The following ST6GAL2 variants were observed in gnomAD, a reference collection of about 807,000 sequenced individuals.
ST6GAL2 encodes ST6 beta-galactoside alpha-2,6-sialyltransferase 2.
In ST6GAL2, 24 loss-of-function variants were observed where a neutral mutation model predicts 37.5. That is an observed-to-expected ratio of 0.64 (90% CI 0.46 to 0.90). The LOEUF (loss-of-function observed/expected upper bound fraction) is 0.90, where lower values mean the gene tolerates loss of function less well. Ranked by LOEUF, ST6GAL2 falls within the 40% of genes least tolerant of loss-of-function variation. The pLI is 0.00. For missense variants in ST6GAL2, 715 were observed against 712.7 expected (o/e 1.00, Z -0.04); for synonymous variants, 306 against 295.1 (o/e 1.04, Z -0.38).
intron 5 of ST6GAL2, among the ~76,000 whole-genome samples, chr2:106,823,507 C>CTA (rs1553417633): frequency 7.3e-6 from 1 of 137,120 alleles, no homozygotes; most frequent in Non-Finnish European, 1.6e-5. Flanking sequence ...AGAGAGAGAT[C>CTA]GAGAGAGAGA....
intron 5 of ST6GAL2, among the ~76,000 whole-genome samples, chr2:106,816,774 C>T (rs191580428): frequency 1.2e-4 from 18 of 152,222 alleles, no homozygotes; most frequent in African/African-American, 3.6e-4. Flanking sequence ...AAAAACCAGG[C>T]GAGTGATCAC....
intron 5 of ST6GAL2, among the ~76,000 whole-genome samples, chr2:106,817,706 C>CT (rs1675854035): frequency 6.6e-6 from 1 of 152,152 alleles, no homozygotes; most frequent in Non-Finnish European, 1.5e-5. Context: ...GAGTAAAGGG[C>CT]ACTTTGTCTT....
At chr2:106,872,279 T>A (rs1022814156) in intron 1 of ST6GAL2, among the ~76,000 whole-genome samples, 1 of 152,238 alleles carries the variant, frequency 6.6e-6, no homozygotes, top group Non-Finnish European at 1.5e-5. Flanking sequence ...AAGATCAAGT[T>A]TTCTTCTTTG....
chr2:106,863,577 A>T (rs993947385), intron 1 of ST6GAL2, among the ~76,000 whole-genome samples: 108 of 152,318 alleles, frequency 7.1e-4, no homozygotes, highest in African/African-American at 2.5e-3. Flanking sequence ...ACGTGTAGGC[A>T]GTAGCCACTA....
At chr2:106,836,333 A>C (rs6726866) in intron 2 of ST6GAL2, among the ~76,000 whole-genome samples, 10,206 of 152,180 alleles carry the variant, frequency 0.067, 891 homozygotes, top group African/African-American at 0.21. Flanking sequence ...CTATTTAAAG[A>C]ATCCTTCCAA....
At chr2:106,886,813 C>G (rs113649833), upstream of ST6GAL2, among the ~76,000 whole-genome samples, 1 of 151,884 alleles carries the variant, frequency 6.6e-6, no homozygotes, top group Non-Finnish European at 1.5e-5. Flanking sequence ...CGCCGGCGAG[C>G]GCAGGCGGGG....
chr2:106,857,562 C>A (rs980132227), intron 1 of ST6GAL2, among the ~76,000 whole-genome samples: 1 of 152,122 alleles, frequency 6.6e-6, no homozygotes, highest in South Asian at 2.1e-4. Flanking sequence ...TGAGATTGTG[C>A]CACTGCACTC....
chr2:106,818,373 G>A (rs528810078), intron 5 of ST6GAL2, among the ~76,000 whole-genome samples: 1 of 152,242 alleles, frequency 6.6e-6, no homozygotes, highest in East Asian at 1.9e-4. Flanking sequence ...CAGCACAGAG[G>A]GAAAGACTCT....
chr2:106,870,717 A>T (rs1016449690), intron 1 of ST6GAL2, among the ~76,000 whole-genome samples: 1 of 152,114 alleles, frequency 6.6e-6, no homozygotes, highest in African/African-American at 2.4e-5. Flanking sequence ...CCTAGACATT[A>T]ACATTCCGGA....
chr2:106,867,715 C>T (rs374053756), intron 1 of ST6GAL2, among the ~76,000 whole-genome samples: 5 of 152,142 alleles, frequency 3.3e-5, no homozygotes, highest in Non-Finnish European at 7.4e-5. Context: ...GCCCGACCCC[C>T]GCCGCCAAAA....
chr2:106,810,173 CTAGT>C (rs1405016649), intron 5 of ST6GAL2, among the ~76,000 whole-genome samples: 6 of 152,268 alleles, frequency 3.9e-5, no homozygotes, highest in African/African-American at 1.4e-4. Context: ...ATCCTTGCTG[CTAGT>C]TAACCGTTAA....
At chr2:106,824,919 TA>T (rs1246153612) in intron 5 of ST6GAL2, 2 of 152,168 alleles carry the variant, frequency 1.3e-5, no homozygotes, top group East Asian at 3.9e-4. Context: ...CTAAAGTTCT[TA>T]AGATTCCAAA....
chr2:106,845,887 C>A (rs1677123794), intron 1 of ST6GAL2, among the ~76,000 whole-genome samples: 1 of 152,110 alleles, frequency 6.6e-6, no homozygotes, highest in Non-Finnish European at 1.5e-5. Context: ...CTAGCATTTT[C>A]CACTTTCTGC....
chr2:106,863,000 T>C (rs75375184), intron 1 of ST6GAL2, among the ~76,000 whole-genome samples: 1 of 144,470 alleles, frequency 6.9e-6, no homozygotes, highest in Non-Finnish European at 1.5e-5. Context: ...TTTTTTTTTT[T>C]CTATTAGAAA....
At chr2:106,849,848 T>A (rs1318897531) in intron 1 of ST6GAL2, among the ~76,000 whole-genome samples, 3 of 152,240 alleles carry the variant, frequency 2.0e-5, no homozygotes, top group Non-Finnish European at 4.4e-5. Flanking sequence ...AATCTTTGAA[T>A]GTACCTACGA....
chr2:106,842,131 C>T (rs1287180284), intron 2 of ST6GAL2, among the ~76,000 whole-genome samples: 3 of 152,224 alleles, frequency 2.0e-5, no homozygotes, highest in East Asian at 3.8e-4. Flanking sequence ...AGAAACTCTG[C>T]CTGAGTTTCC....
In ST6GAL2 at chr2:106,860,581, C is replaced by G. The variant is rs565868382; in HGVS notation, c.-57-16547G>C. On this transcript the variant is annotated intron_variant, in intron 1 of 5. Coordinates refer to ENST00000409382, the MANE Select transcript of ST6GAL2 (RefSeq NM_001142351.2). ...TGTACACCACGTACTGCAACACGGG[C>G]AGGTACATGGCTGTATCACAGGTCC... Among the ~76,000 whole-genome samples the G allele has an allele frequency of 2.5e-4, 38 of 152,248 alleles. No individual in the cohort carries two copies. In the South Asian group the frequency reaches 7.9e-3, roughly 32 times the overall value.
intron 1 of ST6GAL2, among the ~76,000 whole-genome samples, chr2:106,884,902 AGC>A (rs138513951): frequency 0.18 from 14,303 of 78,972 alleles, 1,727 homozygotes; most frequent in African/African-American, 0.4. Flanking sequence ...CTAAATTTGC[AGC>A]GCATATATAT....
chr2:106,808,172 A>G (rs1229106680), intron 5 of ST6GAL2, among the ~76,000 whole-genome samples: 1 of 152,216 alleles, frequency 6.6e-6, no homozygotes, highest in African/African-American at 2.4e-5. Context: ...GGAGTCCTGT[A>G]TAAGGGACAC....
Sources: allele counts gnomAD v4.1 joint callset (sites outside exome capture counted in the v4.1 genomes callset), GRCh38; gene constraint gnomAD v4.1.1; transcripts MANE v1.5; gene names NCBI Gene and HGNC (gene_info 2026-07-23, HGNC 2026-07-21).